Variants in EHBP1 observed in about 807,000 individuals in gnomAD.
The protein encoded by EHBP1 is EH domain binding protein 1, also known as EH domain-binding protein 1.
In EHBP1, 55 loss-of-function variants were observed where a neutral mutation model predicts 144.0. The ratio of observed to expected loss-of-function variants is 0.38; its 90% confidence interval spans 0.31 to 0.48. The LOEUF is 0.48. Ranked by LOEUF, EHBP1 falls within the 20% of genes least tolerant of loss-of-function variation. EHBP1 has a pLI of 0.98. For missense variants in EHBP1, 1,200 were observed against 1,364.2 expected (o/e 0.88, Z 1.90); for synonymous variants, 469 against 472.7 (o/e 0.99, Z 0.10).
chr2:62,825,641 A>G (rs1277817218), intron 5 of EHBP1, among the ~76,000 whole-genome samples: 1 of 152,042 alleles, frequency 6.6e-6, no homozygotes, highest in Admixed American at 6.5e-5. Flanking sequence ...AATGCCACCA[A>G]GGCTGGAAGT....
intron 11 of EHBP1, among the ~76,000 whole-genome samples, chr2:62,943,275 C>G (rs2056871890): frequency 1.4e-5 from 2 of 146,138 alleles, no homozygotes; most frequent in Non-Finnish European, 3.0e-5. Flanking sequence ...ACTTGGGAGG[C>G]TGAGGTAGGA....
chr2:62,932,330 A>T (rs530327653), intron 10 of EHBP1, among the ~76,000 whole-genome samples: 109 of 152,310 alleles, frequency 7.2e-4, no homozygotes, highest in Non-Finnish European at 1.3e-3. Context: ...CCAAATGTCC[A>T]TTGATGAATG....
At chr2:62,849,676 G>A (rs1272501794) in intron 7 of EHBP1, among the ~76,000 whole-genome samples, 1 of 152,140 alleles carries the variant, frequency 6.6e-6, no homozygotes, top group African/African-American at 2.4e-5. Flanking sequence ...ATAAGATGAT[G>A]CAAAGTATTA....
At chr2:63,018,840 C>G (rs773623761) in intron 19 of EHBP1, among the ~76,000 whole-genome samples, 26 of 152,184 alleles carry the variant, frequency 1.7e-4, no homozygotes, top group Middle Eastern at 3.4e-3. Context: ...TTCTAGATTG[C>G]AATAAAATTT....
At chr2:62,765,546 T>C (rs1432759830) in intron 4 of EHBP1, among the ~76,000 whole-genome samples, 4 of 152,108 alleles carry the variant, frequency 2.6e-5, no homozygotes, top group Non-Finnish European at 4.4e-5. Flanking sequence ...CAGACAGACC[T>C]GGAACAGCAA....
intron 16 of EHBP1, 90 bp downstream of exon 16, chr2:62,990,930 C>A: frequency 6.8e-7 from 1 of 1,462,362 alleles, no homozygotes. Flanking sequence ...AATTTTTTAC[C>A]TAATTTTTCA....
intron 21 of EHBP1, among the ~76,000 whole-genome samples, chr2:63,041,427 C>T (rs1003639932): frequency 5.3e-5 from 8 of 152,128 alleles, no homozygotes; most frequent in African/African-American, 1.9e-4. Context: ...TCATTTTCTG[C>T]ACAAGAAATG....
rs147616479 is a variant in EHBP1, at chr2:62,864,947, A to C, written c.974A>C (p.Lys325Thr). The C allele has an allele frequency of 3.0e-5, 49 of 1,613,062 alleles. No homozygotes were observed. The highest frequency in any genetic ancestry group is 4.0e-5 in the African/African-American group (3 of 74,814). ...AAGTACCTCTATGCTGATAGTTCTA[A>C]AACTGAAGAAGAAGAATTGGATGAG... Reference protein sequence around the residue: ...MSKYLYADSSKTEEEELDESN... With the variant: ...MSKYLYADSSTTEEEELDESN... The change falls in exon 9 of 23, where the codon AAA (lysine) becomes ACA (threonine). Residue 325 changes from lysine to threonine, a missense_variant. Coordinates refer to ENST00000431489, the MANE Select transcript of EHBP1 (RefSeq NM_001142616.3).
At chr2:62,888,671 T>G (rs2052150763) in intron 10 of EHBP1, among the ~76,000 whole-genome samples, 1 of 152,226 alleles carries the variant, frequency 6.6e-6, no homozygotes, top group African/African-American at 2.4e-5. Context: ...ACTGAGCAGT[T>G]AGTAACAAAT....
intron 3 of EHBP1, among the ~76,000 whole-genome samples, chr2:62,749,634 C>T (rs1276109736): frequency 2.0e-5 from 3 of 152,226 alleles, no homozygotes; most frequent in Admixed American, 1.3e-4. Flanking sequence ...TCTCCACATC[C>T]TCTCCAGCAC....
intron 1 of EHBP1, among the ~76,000 whole-genome samples, chr2:62,696,232 A>C (rs1160773375): frequency 6.9e-6 from 1 of 145,956 alleles, no homozygotes; most frequent in African/African-American, 2.5e-5. Flanking sequence ...GTACAGTGGC[A>C]CGGTCTTGGC....
Position 62,684,299 on chromosome 2 carries a change from T to G in EHBP1, c.-296+10216T>G, listed in dbSNP as rs377572370. On this transcript the variant is annotated intron_variant, in intron 1 of 22. Transcript: ENST00000405015. ...TATCAAAGAGAGGTAGACTCCTTTC[T>G]GAGTGGAGGGATGGGGGTAGAGTGG... Among the ~76,000 whole-genome samples the G allele has an allele frequency of 3.3e-4, 50 of 150,190 alleles. No homozygotes were observed. In the South Asian group the frequency reaches 0.01, roughly 30 times the overall value.
In EHBP1 at chr2:62,743,240, T is replaced by C. The variant is rs568344758; in HGVS notation, c.105-4155T>C. 8.8e-4 allele frequency among the ~76,000 whole-genome samples: 134 copies of C among 152,258 alleles called. 1 individual carries two copies. Among genetic ancestry groups the C allele is most frequent in the African/African-American group, 3.2e-3 (132 of 41,562 alleles). On this transcript the variant is annotated intron_variant, in intron 2 of 22. Transcript: ENST00000431489. ...CATACTGTAATTAGTCCCTCATCTTTTTTTGGGCTTTACATTGAAAGTGTC... is the reference window on the plus strand; with the variant it reads ...CATACTGTAATTAGTCCCTCATCTTCTTTTGGGCTTTACATTGAAAGTGTC...
intron 10 of EHBP1, among the ~76,000 whole-genome samples, chr2:62,882,867 A>T (rs1194446957): frequency 7.3e-6 from 1 of 136,826 alleles, no homozygotes; most frequent in Non-Finnish European, 1.6e-5. Flanking sequence ...GGGCAACAAG[A>T]GTGAAACTCC....
At chr2:62,933,431 A>G (rs1320334472) in intron 10 of EHBP1, among the ~76,000 whole-genome samples, 1 of 152,214 alleles carries the variant, frequency 6.6e-6, no homozygotes, top group Non-Finnish European at 1.5e-5. Context: ...ACCAAAACTC[A>G]CAAATGATAG....
intron 3 of EHBP1, among the ~76,000 whole-genome samples, chr2:62,763,709 A>G (rs1244023832): frequency 6.6e-6 from 1 of 152,158 alleles, no homozygotes; most frequent in African/African-American, 2.4e-5. Context: ...TTGATAATCA[A>G]GATTTACAAG....
chr2:63,032,633 G>C (rs2061306242), intron 19 of EHBP1, among the ~76,000 whole-genome samples: 1 of 140,552 alleles, frequency 7.1e-6, no homozygotes, highest in Admixed American at 7.2e-5. Flanking sequence ...GTTGGTACAA[G>C]AAGACTGCTG....
At chr2:62,845,696 TAAA>T in intron 7 of EHBP1, among the ~76,000 whole-genome samples, 1 of 133,208 alleles carries the variant, frequency 7.5e-6, no homozygotes, top group Admixed American at 7.6e-5. Flanking sequence ...TGGGCTCAAT[TAAA>T]AAAAAAAAAA....
chr2:62,861,276 C>T (rs529675366), intron 8 of EHBP1, among the ~76,000 whole-genome samples: 2 of 151,314 alleles, frequency 1.3e-5, no homozygotes, highest in Admixed American at 6.6e-5. Context: ...ATTACAGGCG[C>T]GTGCCACCAT....
Sources: gnomAD v4.1 joint callset for allele counts (sites outside exome capture counted in the v4.1 genomes callset) on GRCh38, gnomAD v4.1.1 for gene constraint, MANE v1.5 for transcripts, NCBI Gene and HGNC (gene_info 2026-07-23, HGNC 2026-07-21) for gene names.